Variants in LAMC2 observed in about 807,000 individuals in gnomAD.
LAMC2 encodes laminin subunit gamma 2, also known as laminin subunit gamma-2.
A neutral mutation model predicts 140.2 loss-of-function variants in LAMC2; 97 were observed. The ratio of observed to expected loss-of-function variants is 0.69; its 90% CI spans 0.59 to 0.82. The LOEUF (loss-of-function observed/expected upper bound fraction) is 0.82. LAMC2 is among the 40% of genes least tolerant of loss of function. The pLI, the probability that LAMC2 is intolerant of heterozygous loss-of-function variation, is 0.00. For synonymous variants in LAMC2, 513 were observed against 540.2 expected (o/e 0.95, Z 0.70); for missense variants, 1,402 against 1,476.1 (o/e 0.95, Z 0.82).
intron 6 of LAMC2, 92 bp from the exon 7 acceptor site, chr1:183,223,043 C>A (rs1207356229): frequency 1.7e-6 from 2 of 1,171,814 alleles, no homozygotes; most frequent in East Asian, 2.4e-5. Flanking sequence ...CACAGGACTT[C>A]AACAGAAATT....
rs989221943 is a variant in LAMC2 at position 183,226,855 on chromosome 1, G to T, written c.1224G>T (p.Gly408=). The part of the protein sequence containing the change: ...SGYKRDSARL[G]PFGTCIPCNC... ...ACAAGAGAGATTCAGCGAGACTGGGGCCTTTTGGCACCTGTATTCCTTGTA... is the reference window on the plus strand; with the variant it reads ...ACAAGAGAGATTCAGCGAGACTGGGTCCTTTTGGCACCTGTATTCCTTGTA... The change falls in exon 9 of 23, where the codon GGG becomes GGT. Residue 408 remains glycine (G), a synonymous_variant. Transcript: ENST00000264144. 1 of 1,614,064 alleles carries T rather than the reference G, an allele frequency of 6.2e-7. No individual in the cohort carries two copies. The highest frequency in any genetic ancestry group is 2.2e-5 in the East Asian group (1 of 44,888).
At chr1:183,215,953 C>G (rs1381715241) in intron 3 of LAMC2, among the ~76,000 whole-genome samples, 1 of 152,174 alleles carries the variant, frequency 6.6e-6, no homozygotes, top group African/African-American at 2.4e-5. Context: ...ACCTGGGACC[C>G]ATTTTGGCCC....
chr1:183,235,454 G>A, intron 15 of LAMC2, 121 bp from the exon 16 acceptor site: 1 of 1,091,168 alleles, frequency 9.2e-7, no homozygotes, highest in Non-Finnish European at 1.4e-6. Flanking sequence ...ATTTGAGTCA[G>A]TTCTGTAGGG....
Position 183,238,397 on chromosome 1 carries a change from G to C in LAMC2, c.2845G>C (p.Glu949Gln). Residue 949 changes from glutamate to glutamine, a missense_variant, in exon 19 of 23, where the codon GAG (glutamate) becomes CAG (glutamine). By Grantham distance (29) the Glu-to-Gln change is conservative. Around this residue, in one of 3 missense-constraint regions of LAMC2, gnomAD observed 670 missense variants for 667.2 expected, o/e 1.00. Coordinates refer to ENST00000264144, the MANE Select transcript of LAMC2 (RefSeq NM_005562.3). ...GGGCAATGCCACTTTTTATGAAGTT[G>C]AGAGCATCCTTAAAAACCTCAGAGG... ...SMGNATFYEV[E>Q]SILKNLREFD... 1 of 1,613,284 alleles carries C rather than the reference G, an allele frequency of 6.2e-7. No homozygotes were observed. Among genetic ancestry groups the C allele is most frequent in the Non-Finnish European group, 8.5e-7 (1 of 1,179,228 alleles).
intron 1 of LAMC2, among the ~76,000 whole-genome samples, chr1:183,203,628 T>G (rs1658792877): frequency 6.6e-6 from 1 of 151,700 alleles, no homozygotes; most frequent in Admixed American, 6.6e-5. Flanking sequence ...TGGAACAAGC[T>G]CTCCCATCAT....
At chr1:183,191,475 T>G (rs1030327392) in intron 1 of LAMC2, among the ~76,000 whole-genome samples, 2 of 151,112 alleles carry the variant, frequency 1.3e-5, no homozygotes, top group African/African-American at 4.9e-5. Flanking sequence ...CCACTTAAGT[T>G]CTTAATGGTT....
chr1:183,243,147 A>T lies in LAMC2; in HGVS notation c.3329A>T (p.Asp1110Val), dbSNP rs770217236. 32 of 1,613,076 alleles carry T rather than the reference A, an allele frequency of 2.0e-5. No homozygotes were observed. Among genetic ancestry groups the T allele is most frequent in the Non-Finnish European group, 2.5e-5 (29 of 1,179,866 alleles). Reference sequence around the variant, plus strand: ...ACTTGTGTCTCATTCCTTGAAATAGACCAGCCTCTCAGTGTAGATGAAGAG... The same window carrying T: ...ACTTGTGTCTCATTCCTTGAAATAGTCCAGCCTCTCAGTGTAGATGAAGAG... The part of the protein sequence containing the change: ...NTLDGLLHLM[D>V]QPLSVDEEGL... The change falls in exon 23 of 23, where the codon GAC becomes GTC. Residue 1110 changes from aspartate to valine, a missense_variant and splice_region_variant. Coordinates refer to ENST00000264144, the MANE Select transcript of LAMC2 (RefSeq NM_005562.3).
At chr1:183,214,708 A>G (rs10911281) in intron 2 of LAMC2, among the ~76,000 whole-genome samples, 45,364 of 151,862 alleles carry the variant, frequency 0.3, 8,643 homozygotes, top group African/African-American at 0.53. Context: ...AGGAGAGTGC[A>G]AGGCAGGGCC....
At chr1:183,227,057 A>G in intron 9 of LAMC2, 141 bp downstream of exon 9, 1 of 685,220 alleles carries the variant, frequency 1.5e-6, no homozygotes, top group Non-Finnish European at 2.5e-6. Context: ...GAAGATGGAC[A>G]TGGTGCCTTA....
the LAMC2 span, chr1:183,250,980 A>C: frequency 6.6e-6 from 1 of 152,196 alleles, no homozygotes; most frequent in Non-Finnish European, 1.5e-5. Flanking sequence ...TTTCTCAAAG[A>C]CCAGAATCCC....
In LAMC2 at chr1:183,234,341, C is replaced by T. The variant is rs752245549; in HGVS notation, c.2221-26C>T. The T allele has an allele frequency of 1.9e-6, 3 of 1,594,608 alleles. No individual in the cohort carries two copies. The South Asian group carries it at 3.3e-5, about 18-fold the overall frequency. ...AAGTGCAAAGCCTTAACCGATTCGC[C>T]TTAACCGATTCTCCTTTTCCCACAG... On this transcript the variant is annotated intron_variant, in intron 14 of 22. Transcript: ENST00000264144.
At position 183,240,125 on chromosome 1, in the gene LAMC2, A is replaced by G. The variant is rs751081409; in HGVS notation, c.3155A>G (p.Glu1052Gly). 9.9e-6 allele frequency: 16 copies of G among 1,614,050 alleles called. No homozygotes were observed. In the Admixed American group the frequency reaches 2.3e-4, roughly 24 times the overall value. ...AAGGGACTGGCCTCTCTGAAGAGTG[A>G]GATGAGGGAAGTGGAAGGAGAGCTG... is the stretch of plus-strand genomic sequence containing the variant. ...MEKGLASLKS[E>G]MREVEGELER... is the part of the protein sequence containing the mutation. The change falls in exon 21 of 23, where the codon GAG (glutamate) becomes GGG (glycine). Residue 1052 changes from glutamate to glycine, a missense_variant. Physicochemically the swap from Glu to Gly is moderately conservative, Grantham distance 98. Coordinates refer to ENST00000264144, the MANE Select transcript of LAMC2 (RefSeq NM_005562.3).
At chr1:183,221,724 G>A (rs1000841438) in intron 5 of LAMC2, among the ~76,000 whole-genome samples, 9 of 147,776 alleles carry the variant, frequency 6.1e-5, no homozygotes, top group Non-Finnish European at 8.9e-5. Context: ...GCGAGACTCC[G>A]TCTTAAAAAA....
chr1:183,244,637 T>C lies in LAMC2; in HGVS notation c.*1237T>C, dbSNP rs1323025799. 1.3e-5 allele frequency: 2 copies of C among 152,784 alleles called. No homozygotes were observed. Among genetic ancestry groups the C allele is most frequent in the East Asian group, 3.9e-4 (2 of 5,192 alleles). The allele number at this position is 152,784 out of a possible 1,614,324, so 9.5% of individuals were successfully genotyped here. On this transcript the variant is annotated 3_prime_UTR_variant, in exon 23 of 23. Transcript: ENST00000264144. ...CCTCTTTGCTCAACAGAACATATGT[T>C]GCAAGACCCTCCCATGGGGGCACTT...
At chr1:183,243,010 C>G (rs1660167495) in intron 22 of LAMC2, 137 bp from the exon 23 acceptor site, 1 of 931,796 alleles carries the variant, frequency 1.1e-6, no homozygotes, top group Admixed American at 2.1e-5. Context: ...TTAAAATAAG[C>G]TTTAAAATTC....
At chr1:183,234,685 A>G (rs1186776812) in intron 15 of LAMC2, among the ~76,000 whole-genome samples, 1 of 152,106 alleles carries the variant, frequency 6.6e-6, no homozygotes, top group African/African-American at 2.4e-5. Context: ...ACATTTCCCT[A>G]TGACTCACAG....
Position 183,240,392 on chromosome 1 carries a change from G to C in LAMC2, c.3328+1G>C, listed in dbSNP as rs1475860578. On this transcript the variant is annotated splice_donor_variant, in intron 22 of 22. Coordinates refer to ENST00000264144, the MANE Select transcript of LAMC2 (RefSeq NM_005562.3). LOFTEE classifies it high-confidence loss of function. ...TTAGACGGCCTCCTGCATCTGATGGGTATGTGAACCCACAACCCACAACCT... is the reference window on the plus strand; with the variant it reads ...TTAGACGGCCTCCTGCATCTGATGGCTATGTGAACCCACAACCCACAACCT... The C allele has an allele frequency of 6.2e-7, 1 of 1,614,034 alleles. No individual in the cohort carries two copies. The highest frequency in any genetic ancestry group is 8.5e-7 in the Non-Finnish European group (1 of 1,180,022).
intron 4 of LAMC2, among the ~76,000 whole-genome samples, chr1:183,219,722 G>GA (rs944391975): frequency 6.6e-6 from 1 of 151,946 alleles, no homozygotes; most frequent in African/African-American, 2.4e-5. Flanking sequence ...TGCTCTTAGA[G>GA]AAAAAACAAA....
At chr1:183,204,184 G>A (rs1281515354) in intron 1 of LAMC2, among the ~76,000 whole-genome samples, 3 of 152,088 alleles carry the variant, frequency 2.0e-5, no homozygotes, top group East Asian at 1.9e-4. Flanking sequence ...CCAGCTACTC[G>A]GGAGGCTGAA....
Sources: gnomAD v4.1 joint callset for allele counts (sites outside exome capture counted in the v4.1 genomes callset) on GRCh38, gnomAD v4.1.1 for gene constraint, gnomAD v4.1.1 regional missense constraint, MANE v1.5 for transcripts, NCBI Gene and HGNC (gene_info 2026-07-23, HGNC 2026-07-21) for gene names.